EXOC2: variants seen among roughly 807,000 people sequenced by gnomAD.
EXOC2 encodes the protein SEC5-like 1.
In EXOC2, 70 loss-of-function variants were observed where a neutral mutation model predicts 131.8. The ratio of observed to expected loss-of-function variants is 0.53; its 90% CI spans 0.44 to 0.65. The LOEUF is 0.65. Among genes scored for constraint, EXOC2 ranks in the 30% least tolerant of loss-of-function variants. EXOC2 has a pLI of 0.00. For missense variants in EXOC2, 923 were observed against 1,108.6 expected, an observed-to-expected ratio of 0.83 and a Z score of 2.38; for synonymous variants, 411 against 398.4, an observed-to-expected ratio of 1.03 and a Z score of -0.38.
intron 11 of EXOC2, among the ~76,000 whole-genome samples, chr6:578,406 C>T (rs539272563): frequency 6.6e-6 from 1 of 151,984 alleles, no homozygotes; most frequent in Non-Finnish European, 1.5e-5. Context: ...GTGGTGGAGG[C>T]AGAAAATAAA....
At chr6:495,387 G>C (rs1452106699) in intron 25 of EXOC2, among the ~76,000 whole-genome samples, 1 of 151,224 alleles carries the variant, frequency 6.6e-6, no homozygotes, top group Non-Finnish European at 1.5e-5. Context: ...GCCTCCCAAA[G>C]TGCTGGGATT....
chr6:594,545 T>C (rs1401067033), intron 10 of EXOC2, among the ~76,000 whole-genome samples: 1 of 152,210 alleles, frequency 6.6e-6, no homozygotes, highest in Admixed American at 6.5e-5. Context: ...AATAGGAGTG[T>C]AGACAGTTCC....
chr6:655,345 C>T (rs1763024485), intron 1 of EXOC2, among the ~76,000 whole-genome samples: 2 of 152,190 alleles, frequency 1.3e-5, no homozygotes, highest in Admixed American at 1.3e-4. Flanking sequence ...ATTTTTTAGA[C>T]ATAGTACTAT....
At chr6:571,450 C>T (rs956923171) in intron 13 of EXOC2, among the ~76,000 whole-genome samples, 4 of 152,224 alleles carry the variant, frequency 2.6e-5, no homozygotes, top group Admixed American at 6.5e-5. Flanking sequence ...ATACTAGGCA[C>T]TTGGAGTTCA....
chr6:517,360 A>G (rs1765218150), intron 23 of EXOC2, among the ~76,000 whole-genome samples: 1 of 152,144 alleles, frequency 6.6e-6, no homozygotes, highest in Non-Finnish European at 1.5e-5. Flanking sequence ...AATCAACTAC[A>G]ATGAATTGAA....
intron 2 of EXOC2, among the ~76,000 whole-genome samples, chr6:634,776 T>C (rs1762020334): frequency 1.3e-5 from 2 of 152,186 alleles, no homozygotes; most frequent in African/African-American, 4.8e-5. Flanking sequence ...TTTAAATATA[T>C]TCATTATTCA....
intron 2 of EXOC2, among the ~76,000 whole-genome samples, chr6:637,481 G>C (rs1279187912): frequency 6.6e-6 from 1 of 152,216 alleles, no homozygotes; most frequent in East Asian, 1.9e-4. Flanking sequence ...GAAACCTTCT[G>C]AAGGATTTGA....
intron 15 of EXOC2, among the ~76,000 whole-genome samples, 177 bp from the exon 16 acceptor site, chr6:564,331 G>C (rs912618673): frequency 6.6e-6 from 1 of 152,096 alleles, no homozygotes; most frequent in Non-Finnish European, 1.5e-5. Context: ...GTGAAACAAC[G>C]GAGAAGATGC....
chr6:599,344 A>G lies in EXOC2; in HGVS notation c.743-119T>C, dbSNP rs1759997392. 4 of 977,250 alleles carry G rather than the reference A, an allele frequency of 4.1e-6. No individual in the cohort carries two copies. In the South Asian group the frequency reaches 1.1e-4, roughly 27 times the overall value. 60.5% of individuals were successfully genotyped at this position (977,250 alleles called of 1,614,324 possible). The stretch of plus-strand genomic sequence containing the variant: ...ATTGTAGTTTTACGTTAAAACTCAG[A>G]CTGTTTTTCAGTTTAGGGGATCTTT... On this transcript the variant is annotated intron_variant, in intron 7 of 27. Transcript: ENST00000230449.
intron 1 of EXOC2, among the ~76,000 whole-genome samples, chr6:685,989 T>G (rs200656180): frequency 7.9e-6 from 1 of 126,136 alleles, no homozygotes; most frequent in Admixed American, 8.1e-5. Context: ...TTTTTTTTTT[T>G]GAGACGGAGT....
chr6:490,864 A>C (rs1407531123), intron 26 of EXOC2, among the ~76,000 whole-genome samples: 2 of 152,236 alleles, frequency 1.3e-5, no homozygotes, highest in East Asian at 1.9e-4. Context: ...ACTAAGACTC[A>C]GTTCTTATCC....
intron 25 of EXOC2, among the ~76,000 whole-genome samples, chr6:495,631 T>G (rs1404916978): frequency 6.6e-6 from 1 of 152,206 alleles, no homozygotes; most frequent in Non-Finnish European, 1.5e-5. Flanking sequence ...CCCTAAGCAG[T>G]TGCTGCATCG....
chr6:570,261 G>C (rs1758202335), intron 13 of EXOC2, among the ~76,000 whole-genome samples: 2 of 148,862 alleles, frequency 1.3e-5, no homozygotes, highest in Non-Finnish European at 1.5e-5. Context: ...AGCCTCCCGA[G>C]TAGCTGCAAC....
intron 12 of EXOC2, among the ~76,000 whole-genome samples, chr6:573,895 A>G (rs187141087): frequency 2.6e-5 from 4 of 152,298 alleles, no homozygotes; most frequent in African/African-American, 9.6e-5. Context: ...TATTTTTTAT[A>G]TACACAAGCA....
At chr6:689,039 T>C (rs766885561) in intron 1 of EXOC2, 5 of 152,216 alleles carry the variant, frequency 3.3e-5, no homozygotes, top group Middle Eastern at 3.4e-3. Flanking sequence ...TAGCAAGCAG[T>C]AAAGGGAAAA....
At chr6:662,412 G>C (rs1763462377) in intron 1 of EXOC2, among the ~76,000 whole-genome samples, 1 of 152,106 alleles carries the variant, frequency 6.6e-6, no homozygotes, top group Non-Finnish European at 1.5e-5. Context: ...GCCATAAAAT[G>C]AGCCTCAATA....
intron 25 of EXOC2, 80 bp downstream of exon 25, chr6:497,284 TATC>T: frequency 7.7e-7 from 1 of 1,296,826 alleles, no homozygotes; most frequent in South Asian, 1.3e-5. Flanking sequence ...AAGCCTGTCA[TATC>T]ATAAGATTGA....
chr6:650,538 T>C (rs114115034), intron 1 of EXOC2, among the ~76,000 whole-genome samples: 1,948 of 152,350 alleles, frequency 0.013, 38 homozygotes, highest in African/African-American at 0.044. Context: ...TAAAACATTA[T>C]ATTTAGATGG....
At chr6:575,650 G>A (rs985193006) in intron 12 of EXOC2, among the ~76,000 whole-genome samples, 1 of 152,210 alleles carries the variant, frequency 6.6e-6, no homozygotes, top group African/African-American at 2.4e-5. Context: ...AGAACTGTGA[G>A]CCAATAAACC....
Sources: allele counts gnomAD v4.1 joint callset (sites outside exome capture counted in the v4.1 genomes callset), GRCh38; gene constraint gnomAD v4.1.1; transcripts MANE v1.5; gene names NCBI Gene and HGNC (gene_info 2026-07-23, HGNC 2026-07-21).